Variants in ELAPOR2 observed in about 807,000 individuals in gnomAD.
ELAPOR2 encodes endosome/lysosome-associated apoptosis and autophagy regulator family member 2.
Under a neutral mutation model 120.7 loss-of-function variants are expected in ELAPOR2, and 89 were observed. The ratio of observed to expected loss-of-function variants is 0.74; its 90% CI spans 0.62 to 0.88. ELAPOR2 has a LOEUF of 0.88. Ranked by LOEUF, ELAPOR2 falls within the 40% of genes least tolerant of loss-of-function variation. ELAPOR2 has a pLI of 0.00. For synonymous variants in ELAPOR2, 444 were observed against 444.9 expected (o/e 1.00, Z 0.03); for missense variants, 1,134 against 1,251.6 (o/e 0.91, Z 1.42).
At chr7:87,018,371 G>A (rs1282951609) in intron 1 of ELAPOR2, among the ~76,000 whole-genome samples, 3 of 151,924 alleles carry the variant, frequency 2.0e-5, no homozygotes, top group Non-Finnish European at 4.4e-5. Flanking sequence ...TATTTAATGA[G>A]AGAAAAAATG....
intron 15 of ELAPOR2, among the ~76,000 whole-genome samples, chr7:86,910,264 A>T (rs1419971355): frequency 6.6e-6 from 1 of 152,160 alleles, no homozygotes; most frequent in Admixed American, 6.6e-5. Flanking sequence ...CAGTACAAGC[A>T]TCATTTGTGA....
chr7:87,008,278 T>A, intron 1 of ELAPOR2, among the ~76,000 whole-genome samples: 1 of 152,140 alleles, frequency 6.6e-6, no homozygotes, highest in East Asian at 1.9e-4. Flanking sequence ...AAATAACAGA[T>A]CTATACTTTT....
chr7:86,884,334 A>G (rs1246748225), intron 21 of ELAPOR2, among the ~76,000 whole-genome samples: 1 of 152,142 alleles, frequency 6.6e-6, no homozygotes, highest in East Asian at 1.9e-4. Flanking sequence ...AGCCCGAAAG[A>G]CTTCCTCATT....
rs1418922607 is a variant in ELAPOR2, at chr7:86,907,619, G to A, written c.2558+51C>T. 5 of 1,072,654 alleles carry A rather than the reference G, an allele frequency of 4.7e-6. No individual in the cohort carries two copies. In the African/African-American group the frequency reaches 6.6e-5, roughly 14 times the overall value. The allele number at this position is 1,072,654 out of a possible 1,614,324, so 66.4% of individuals were successfully genotyped here. A position where few individuals can be genotyped will look rare whatever the true frequency, so the allele number is the denominator to read the frequency against. Reference sequence around the variant, plus strand: ...TATGTTTTAAAATAGTAACATTCTGGAGAGTTTTTCTTCCTCATGGTAAAC... The same window carrying A: ...TATGTTTTAAAATAGTAACATTCTGAAGAGTTTTTCTTCCTCATGGTAAAC... On this transcript the variant is annotated intron_variant, in intron 18 of 21. Transcript: ENST00000450689.
chr7:87,011,249 C>CAA (rs772971682), intron 1 of ELAPOR2, among the ~76,000 whole-genome samples: 9 of 52,922 alleles, frequency 1.7e-4, no homozygotes, highest in East Asian at 6.0e-4. Context: ...GACTCCATCT[C>CAA]AAAAAAAAAA....
At chr7:87,021,598 C>T (rs1794042637) in intron 1 of ELAPOR2, among the ~76,000 whole-genome samples, 1 of 152,234 alleles carries the variant, frequency 6.6e-6, no homozygotes, top group African/African-American at 2.4e-5. Context: ...AAGATAATTA[C>T]AGAAATAGAT....
chr7:86,908,846 C>CGA, intron 16 of ELAPOR2, among the ~76,000 whole-genome samples: 1 of 152,164 alleles, frequency 6.6e-6, no homozygotes, highest in East Asian at 1.9e-4. Context: ...TTTCAGTTCT[C>CGA]TAACATCTCA....
intron 1 of ELAPOR2, among the ~76,000 whole-genome samples, chr7:86,976,599 G>T (rs964445824): frequency 6.6e-6 from 1 of 152,098 alleles, no homozygotes; most frequent in Admixed American, 6.6e-5. Flanking sequence ...CCAAAGTTTT[G>T]AAAACTGAAT....
chr7:87,036,632 T>C (rs1405714137), intron 1 of ELAPOR2, among the ~76,000 whole-genome samples: 1 of 152,194 alleles, frequency 6.6e-6, no homozygotes, highest in Non-Finnish European at 1.5e-5. Flanking sequence ...GTATTTTGCA[T>C]AAACATGGAT....
rs55859925 is a variant in ELAPOR2 at position 86,883,023 on chromosome 7, GGTGTGTGTGTGTGTGTGTGTGTGTGT to G, written c.3031-2519_3031-2494del. Among the ~76,000 whole-genome samples the G allele has an allele frequency of 3.5e-5, 5 of 141,554 alleles. No individual in the cohort carries two copies. The South Asian group carries it at 1.1e-3, about 32-fold the overall frequency. 92.9% of individuals were successfully genotyped at this position (141,554 alleles called of 152,430 possible). ...ACATACTGGATGATCGTTTGAAAGGGGTGTGTGTGTGTGTGTGTGTGTGTGTGTGTGTGTGTGTGAAAGACATGTGT... is the reference window on the plus strand; with the variant it reads ...ACATACTGGATGATCGTTTGAAAGGGGTGTGTGTGTGTGAAAGACATGTGT... On this transcript the variant is annotated intron_variant, in intron 21 of 21. Transcript: ENST00000450689.
chr7:87,052,459 T>C (rs750883722), intron 1 of ELAPOR2, among the ~76,000 whole-genome samples: 26 of 152,248 alleles, frequency 1.7e-4, no homozygotes, highest in Non-Finnish European at 2.8e-4. Flanking sequence ...GAATTCAAGA[T>C]GAGATTTGGG....
chr7:86,918,038 C>A (rs1168626692), intron 12 of ELAPOR2, among the ~76,000 whole-genome samples: 1 of 152,074 alleles, frequency 6.6e-6, no homozygotes, highest in African/African-American at 2.4e-5. Flanking sequence ...TGTTCTACAT[C>A]TCCATTATTT....
At chr7:86,925,732 C>T (rs529369811) in intron 9 of ELAPOR2, 76 bp from the exon 10 acceptor site, 6 of 1,285,484 alleles carry the variant, frequency 4.7e-6, no homozygotes, top group Non-Finnish European at 6.7e-6. Flanking sequence ...GTTCCAAACA[C>T]ACTACATTAC....
Position 86,893,104 on chromosome 7 carries a change from T to TAAA in ELAPOR2, c.2686-7_2686-5dup. The TAAA allele has an allele frequency of 4.9e-6, 6 of 1,227,030 alleles. No homozygotes were observed. The highest frequency in any genetic ancestry group is 5.4e-6 in the Non-Finnish European group (5 of 921,808). 76.0% of individuals were successfully genotyped at this position (1,227,030 alleles called of 1,614,324 possible). On this transcript the variant is annotated splice_region_variant and splice_polypyrimidine_tract_variant and intron_variant, in intron 19 of 21. Transcript: ENST00000450689. ...CATTCCACACATACAAGGTTTCCTT[T>TAAA]AAAAAAAAAAACATAAAACCATAGA... is the stretch of plus-strand genomic sequence containing the variant.
chr7:86,970,179 G>A (rs1171479022), intron 1 of ELAPOR2, among the ~76,000 whole-genome samples: 1 of 152,130 alleles, frequency 6.6e-6, no homozygotes, highest in Non-Finnish European at 1.5e-5. Flanking sequence ...GCAGTTAAGA[G>A]TTGACTGCAG....
At chr7:86,885,587 A>G (rs1799651404) in intron 21 of ELAPOR2, among the ~76,000 whole-genome samples, 1 of 152,128 alleles carries the variant, frequency 6.6e-6, no homozygotes. Context: ...ACCAAGAGGG[A>G]CTGGACAATA....
At chr7:87,041,783 G>T (rs930835470) in intron 1 of ELAPOR2, among the ~76,000 whole-genome samples, 1 of 151,890 alleles carries the variant, frequency 6.6e-6, no homozygotes, top group South Asian at 2.1e-4. Context: ...AACGTAAATG[G>T]ACTAAATGCT....
chr7:86,942,026 A>G lies in ELAPOR2; in HGVS notation c.733T>C (p.Ser245Pro), dbSNP rs376412188. 2.6e-6 allele frequency: 4 copies of G among 1,539,148 alleles called. No homozygotes were observed. Among genetic ancestry groups the G allele is most frequent in the East Asian group, 2.4e-5 (1 of 40,838 alleles). ...VKLTDNGEWGSHSVMLKSGTN... is the reference protein window; with the variant it reads ...VKLTDNGEWGPHSVMLKSGTN... Reference sequence around the variant, plus strand: ...AATACAAAGAGACTTACAGAATGAGAGCCCCATTCTCCATTGTCTGTAAGT... The same window carrying G: ...AATACAAAGAGACTTACAGAATGAGGGCCCCATTCTCCATTGTCTGTAAGT... Residue 245 changes from serine (S) to proline (P), a missense_variant, in exon 5 of 22, where the codon TCT becomes CCT. Physicochemically the swap from Ser to Pro is moderately conservative, Grantham distance 74. Coordinates refer to ENST00000450689, the MANE Select transcript of ELAPOR2 (RefSeq NM_001142749.3).
At chr7:87,036,853 G>C (rs1027699310) in intron 1 of ELAPOR2, among the ~76,000 whole-genome samples, 4 of 152,132 alleles carry the variant, frequency 2.6e-5, no homozygotes, top group African/African-American at 7.2e-5. Flanking sequence ...TGGGTGATGG[G>C]ATCATTCATA....
Sources: allele counts gnomAD v4.1 joint callset (sites outside exome capture counted in the v4.1 genomes callset), GRCh38; gene constraint gnomAD v4.1.1; transcripts MANE v1.5; gene names NCBI Gene and HGNC (gene_info 2026-07-23, HGNC 2026-07-21).